The following HUWE1 variants were observed in gnomAD, a reference collection of about 807,000 sequenced individuals.
HUWE1 encodes the protein HECT, UBA and WWE domain containing E3 ubiquitin protein ligase 1.
Under a neutral mutation model 299.4 loss-of-function variants are expected in HUWE1, and 18 were observed. The ratio of observed to expected loss-of-function variants is 0.06; its 90% CI spans 0.04 to 0.09. The LOEUF (loss-of-function observed/expected upper bound fraction) is 0.09, where lower values mean the gene tolerates loss of function less well. HUWE1 is among the 10% of genes least tolerant of loss of function. The probability of loss-of-function intolerance (pLI) is 1.00; values close to 1 mark genes in which losing one functional copy is unlikely to be tolerated. For synonymous variants in HUWE1, 1,317 were observed against 1,286.1 expected (o/e 1.02, Z -0.51); for missense variants, 1,832 against 3,462.3 (o/e 0.53, Z 11.82).
intron 19 of HUWE1, among the ~76,000 whole-genome samples, chrX:53,620,820 C>T (rs1368958127): frequency 2.7e-5 from 3 of 111,354 alleles, no homozygotes; most frequent in East Asian, 2.8e-4. Context: ...GTGCGATCCA[C>T]GGTGGACAGG....
At chrX:53,543,787 T>TG in intron 73 of HUWE1, 54 bp downstream of exon 73, 2 of 1,207,192 alleles carry the variant, frequency 1.7e-6, no homozygotes, top group Non-Finnish European at 2.2e-6. Flanking sequence ...GATGACATGG[T>TG]GGGGGGATGA....
chrX:53,602,706 C>CTTT, intron 27 of HUWE1, 48 bp from the exon 28 acceptor site: 1 of 598,620 alleles, frequency 1.7e-6, no homozygotes. Context: ...TATATATATA[C>CTTT]TGATAATTCA....
chrX:53,559,187 G>C, intron 57 of HUWE1, 127 bp from the exon 58 acceptor site: 1 of 752,702 alleles, frequency 1.3e-6, no homozygotes, highest in Non-Finnish European at 2.0e-6. Context: ...AACATAACAA[G>C]TACCTAGAGA....
chrX:53,578,842 C>T (rs1846871312), intron 43 of HUWE1, among the ~76,000 whole-genome samples: 2 of 77,311 alleles, frequency 2.6e-5, no homozygotes, highest in Admixed American at 2.6e-4. Flanking sequence ...GCCGCCCAGT[C>T]CGGGAGGGAG....
intron 23 of HUWE1, among the ~76,000 whole-genome samples, chrX:53,611,793 G>A: frequency 9.2e-6 from 1 of 109,117 alleles, no homozygotes; most frequent in Non-Finnish European, 1.9e-5. Context: ...GGGAGGCGGA[G>A]GTTGCAGTGA....
chrX:53,587,370 A>C (rs2063910414), intron 37 of HUWE1, among the ~76,000 whole-genome samples: 1 of 112,509 alleles, frequency 8.9e-6, no homozygotes, highest in African/African-American at 3.2e-5. Context: ...TTTAACAGGA[A>C]ATCACTGGAA....
At chrX:53,638,880 G>A (rs1557028353) in intron 7 of HUWE1, among the ~76,000 whole-genome samples, 1 of 112,221 alleles carries the variant, frequency 8.9e-6, no homozygotes, top group Non-Finnish European at 1.9e-5. Flanking sequence ...CCCTACATCT[G>A]TAGTTAACTA....
intron 41 of HUWE1, 73 bp from the exon 42 acceptor site, chrX:53,583,989 G>A: frequency 1.1e-6 from 1 of 917,032 alleles, no homozygotes; most frequent in East Asian, 3.1e-5. Flanking sequence ...TCCCTCCTAA[G>A]TAATTGGCCA....
At chrX:53,679,629 A>T (rs1603277815) in intron 3 of HUWE1, among the ~76,000 whole-genome samples, 1 of 111,623 alleles carries the variant, frequency 9.0e-6, no homozygotes, top group South Asian at 3.7e-4. Flanking sequence ...ATCTCAATTT[A>T]AAAAAATTAA....
intron 47 of HUWE1, among the ~76,000 whole-genome samples, chrX:53,573,268 G>A (rs138984937): frequency 3.4e-3 from 380 of 111,117 alleles, no homozygotes; most frequent in African/African-American, 0.012. Flanking sequence ...ACAGAGTTTT[G>A]CTCTTATCAC....
intron 23 of HUWE1, among the ~76,000 whole-genome samples, chrX:53,614,031 G>A (rs1401706389): frequency 3.6e-5 from 4 of 111,912 alleles, no homozygotes; most frequent in East Asian, 2.8e-4. Context: ...TTGGGAAGCC[G>A]AGGTGGGTAG....
At position 53,593,386 on chromosome X, in the gene HUWE1, C is replaced by CTTCT; in HGVS notation, c.3718_3719insAGAA (p.Arg1240GlnfsTer33). Reference sequence around the variant, plus strand: ...CACTTTCTGAGTTACCACAAGGAAGCGCAGTGCACTGAACTGGGGAAAGTT... The same window carrying CTTCT: ...CACTTTCTGAGTTACCACAAGGAAGCTTCTGCAGTGCACTGAACTGGGGAAAGTT... On this transcript the variant is annotated frameshift_variant, in exon 32 of 84. Coordinates refer to ENST00000262854, the MANE Select transcript of HUWE1 (RefSeq NM_031407.7). LOFTEE classifies it high-confidence loss of function. 1 of 1,197,136 alleles carries CTTCT rather than the reference C, an allele frequency of 8.4e-7. No individual in the cohort carries two copies. Among genetic ancestry groups the CTTCT allele is most frequent in the Non-Finnish European group, 1.1e-6 (1 of 882,334 alleles).
intron 4 of HUWE1, among the ~76,000 whole-genome samples, chrX:53,653,297 T>C (rs1282423143): frequency 7.1e-5 from 8 of 112,412 alleles, no homozygotes; most frequent in African/African-American, 2.6e-4. Context: ...GATACTATGC[T>C]AAGCAATTGC....
rs781919914 is a variant in HUWE1 at position 53,568,717 on chromosome X, C to T, written c.6682G>A (p.Val2228Ile). Residue 2228 changes from valine (V) to isoleucine (I), a missense_variant, in exon 49 of 84, where the codon GTA becomes ATA. Around this residue, in one of 15 missense-constraint regions of HUWE1, gnomAD observed 157 missense variants for 252.3 expected, o/e 0.62. Transcript: ENST00000262854. The part of the protein sequence containing the change: ...KKGLVNDLAR[V>I]PHSLDLSSPN... ...CTGGACAGGTCTAAGCTGTGAGGTA[C>T]TCTGGCCAGGTCATTAACCAGTCCC... The T allele has an allele frequency of 8.3e-7, 1 of 1,211,059 alleles. No individual in the cohort carries two copies. The highest frequency in any genetic ancestry group is 1.1e-6 in the Non-Finnish European group (1 of 895,085).
Position 53,591,038 on chromosome X carries a change from A to G in HUWE1, c.4057T>C (p.Leu1353=), listed in dbSNP as rs781975374. The part of the protein sequence containing the change: ...STMEQATEYL[L]THPPPIMGGV... ...CCCATGATTGGAGGAGGGTGGGTTA[A>G]AAGGTACTCTGTGGCCTGCTCCATG... The change falls in exon 34 of 84, where the codon TTA becomes CTA. Residue 1353 remains leucine (L), a synonymous_variant. Transcript: ENST00000262854. 6 of 1,209,049 alleles carry G rather than the reference A, an allele frequency of 5.0e-6. No homozygotes were observed. In the East Asian group the frequency reaches 1.8e-4, roughly 36 times the overall value.
At chrX:53,612,909 C>G (rs2065576003) in intron 23 of HUWE1, among the ~76,000 whole-genome samples, 1 of 111,397 alleles carries the variant, frequency 9.0e-6, no homozygotes, top group African/African-American at 3.3e-5. Flanking sequence ...CTGGGCACAT[C>G]AGATGTAAGG....
At chrX:53,632,456 C>A in intron 9 of HUWE1, 31 bp downstream of exon 9, 3 of 1,073,519 alleles carry the variant, frequency 2.8e-6, no homozygotes, top group Non-Finnish European at 3.9e-6. Context: ...AAATTGTAGA[C>A]TTTGTCAGAA....
intron 3 of HUWE1, among the ~76,000 whole-genome samples, chrX:53,663,226 T>C (rs1192220403): frequency 8.9e-6 from 1 of 111,822 alleles, no homozygotes; most frequent in African/African-American, 3.3e-5. Context: ...CTTCTGAAAA[T>C]GTTGGGCCAG....
intron 7 of HUWE1, among the ~76,000 whole-genome samples, chrX:53,635,467 T>C (rs1029579135): frequency 1.8e-5 from 2 of 110,196 alleles, no homozygotes; most frequent in Non-Finnish European, 3.8e-5. Context: ...TACAGGCATA[T>C]GCTGCCACCA....
Sources: gnomAD v4.1 joint callset for allele counts (sites outside exome capture counted in the v4.1 genomes callset) on GRCh38, gnomAD v4.1.1 for gene constraint, gnomAD v4.1.1 regional missense constraint, MANE v1.5 for transcripts, NCBI Gene and HGNC (gene_info 2026-07-23, HGNC 2026-07-21) for gene names.